UPP1: variants seen among roughly 807,000 people sequenced by gnomAD.
UPP1 encodes the protein uridine phosphorylase 1.
UPP1 carries 25 observed loss-of-function variants against 29.6 expected under a neutral mutation model. The ratio of observed to expected loss-of-function variants is 0.85; its 90% CI spans 0.62 to 1.18. UPP1 has a LOEUF of 1.18. Ranked by LOEUF, UPP1 falls within the 50% of genes most tolerant of loss-of-function variation. UPP1 has a pLI of 0.00. For synonymous variants in UPP1, 165 were observed against 159.8 expected, an observed-to-expected ratio of 1.03 and a Z score of -0.25; for missense variants, 368 against 410.4, an observed-to-expected ratio of 0.90 and a Z score of 0.89.
chr7:48,102,088 A>G, intron 5 of UPP1, 106 bp downstream of exon 5: 3 of 1,313,916 alleles, frequency 2.3e-6, no homozygotes, highest in Non-Finnish European at 2.1e-6. Flanking sequence ...TGCTTACTGT[A>G]AATGGCTGGG....
chr7:48,098,018 CTG>C (rs1792214581), intron 3 of UPP1, among the ~76,000 whole-genome samples: 1 of 152,128 alleles, frequency 6.6e-6, no homozygotes, highest in Non-Finnish European at 1.5e-5. Flanking sequence ...GGGTGTGGCT[CTG>C]TGCTTCAGGC....
chr7:48,095,687 A>G (rs34743411), intron 3 of UPP1, among the ~76,000 whole-genome samples: 18,259 of 151,426 alleles, frequency 0.12, 1,380 homozygotes, highest in East Asian at 0.3. Flanking sequence ...CTTGTCGCCC[A>G]GGCTGGAGTG....
rs766636047 is a variant in UPP1 at position 48,103,364 on chromosome 7, G to A, written c.389G>A (p.Arg130Gln). The part of the protein sequence containing the change: ...HELIKLLYYA[R>Q]CSNVTIIRIG... ...CTCATAAAGCTGCTGTACTATGCCC[G>A]GTGCTCCAACGTCACTATCATCCGC... is the stretch of plus-strand genomic sequence containing the variant. Residue 130 changes from arginine (R) to glutamine (Q), a missense_variant, in exon 6 of 9, where the codon CGG becomes CAG. Physicochemically the swap from Arg to Gln is conservative, Grantham distance 43. Transcript: ENST00000395564. 2.5e-6 allele frequency: 4 copies of A among 1,613,954 alleles called. No homozygotes were observed. The Admixed American group carries it at 5.0e-5, about 20-fold the overall frequency.
chr7:48,107,602 G>C, intron 8 of UPP1, 95 bp downstream of exon 8: 1 of 1,429,246 alleles, frequency 7.0e-7, no homozygotes, highest in Non-Finnish European at 9.4e-7. Context: ...GGGGCACCCC[G>C]ATACCCATTT....
intron 2 of UPP1, among the ~76,000 whole-genome samples, chr7:48,093,044 A>G (rs1248071538): frequency 6.6e-6 from 1 of 152,138 alleles, no homozygotes; most frequent in Non-Finnish European, 1.5e-5. Flanking sequence ...GTTGAATTAA[A>G]AAAAAAATCA....
chr7:48,101,339 C>T (rs1178655104), intron 4 of UPP1, among the ~76,000 whole-genome samples: 1 of 152,168 alleles, frequency 6.6e-6, no homozygotes, highest in African/African-American at 2.4e-5. Context: ...CTATCACTTC[C>T]TGAGCCTCCT....
rs767008559 is a variant in UPP1, at chr7:48,094,824, A to C, written c.41A>C (p.His14Pro). Reference protein sequence around the residue: ...TGANAEKAESHNDCPVRLLNP... With the variant: ...TGANAEKAESPNDCPVRLLNP... ...GCCAATGCAGAGAAAGCTGAAAGTC[A>C]CAAGTAAGGCTCCATTTCATTCCAG... is the stretch of plus-strand genomic sequence containing the variant. Residue 14 changes from histidine to proline, a missense_variant, in exon 3 of 9, where the codon CAC becomes CCC. Physicochemically the swap from His to Pro is moderately conservative, Grantham distance 77. Coordinates refer to ENST00000395564, the MANE Select transcript of UPP1 (RefSeq NM_003364.4). 1 of 1,614,180 alleles carries C rather than the reference A, an allele frequency of 6.2e-7. No individual in the cohort carries two copies. The highest frequency in any genetic ancestry group is 8.5e-7 in the Non-Finnish European group (1 of 1,180,038).
intron 3 of UPP1, among the ~76,000 whole-genome samples, chr7:48,098,566 T>C (rs1419449695): frequency 1.3e-5 from 2 of 152,194 alleles, no homozygotes; most frequent in Non-Finnish European, 2.9e-5. Context: ...GGGGAGAGAA[T>C]GGACAATGTC....
Position 48,103,290 on chromosome 7 carries a change from G to A in UPP1, c.322-7G>A. ...GGCTTAACATGGGTGTTTCTCCCTG[G>A]TTCCAGCATGGTATGGGCATTCCTT... On this transcript the variant is annotated splice_polypyrimidine_tract_variant and splice_region_variant and intron_variant, in intron 5 of 8. Coordinates refer to ENST00000395564, the MANE Select transcript of UPP1 (RefSeq NM_003364.4). 1 of 1,612,440 alleles carries A rather than the reference G, an allele frequency of 6.2e-7. No individual in the cohort carries two copies. Among genetic ancestry groups the A allele is most frequent in the South Asian group, 1.1e-5 (1 of 91,050 alleles).
chr7:48,098,454 C>T (rs955861790), intron 3 of UPP1, among the ~76,000 whole-genome samples: 22 of 152,254 alleles, frequency 1.4e-4, no homozygotes, highest in African/African-American at 4.3e-4. Context: ...ATATATAAGA[C>T]GTGGTCATGG....
Position 48,103,302 on chromosome 7 carries a change from T to G in UPP1, c.327T>G (p.Gly109=). The change falls in exon 6 of 9, where the codon GGT becomes GGG. Residue 109 remains glycine, a synonymous_variant. Coordinates refer to ENST00000395564, the MANE Select transcript of UPP1 (RefSeq NM_003364.4). Reference sequence around the variant, plus strand: ...GTGTTTCTCCCTGGTTCCAGCATGGTATGGGCATTCCTTCTATCTCAATCA... The same window carrying G: ...GTGTTTCTCCCTGGTTCCAGCATGGGATGGGCATTCCTTCTATCTCAATCA... ...KVGPVLSVSH[G]MGIPSISIML... The G allele has an allele frequency of 6.2e-7, 1 of 1,613,690 alleles. No individual in the cohort carries two copies. The highest frequency in any genetic ancestry group is 8.5e-7 in the Non-Finnish European group (1 of 1,179,602).
At position 48,103,295 on chromosome 7, in the gene UPP1, A is replaced by G. The variant is rs755311875; in HGVS notation, c.322-2A>G. 1 of 1,613,296 alleles carries G rather than the reference A, an allele frequency of 6.2e-7. No homozygotes were observed. Among genetic ancestry groups the G allele is most frequent in the South Asian group, 1.1e-5 (1 of 91,062 alleles). ...AACATGGGTGTTTCTCCCTGGTTCC[A>G]GCATGGTATGGGCATTCCTTCTATC... On this transcript the variant is annotated splice_acceptor_variant, in intron 5 of 8. Coordinates refer to ENST00000395564, the MANE Select transcript of UPP1 (RefSeq NM_003364.4). LOFTEE classifies it high-confidence loss of function.
chr7:48,103,753 C>T, intron 6 of UPP1: 18 of 1,293,670 alleles, frequency 1.4e-5, no homozygotes, highest in Non-Finnish European at 1.8e-5. Flanking sequence ...CTTTCCTTTG[C>T]TTACTTTTCC....
rs547420528 is a variant in UPP1 at position 48,103,992 on chromosome 7, G to A, written c.436+581G>A. 1.8e-3 allele frequency: 1,873 copies of A among 1,018,554 alleles called. 5 individuals are homozygous for A. Among genetic ancestry groups the A allele is most frequent in the Non-Finnish European group, 2.2e-3 (1,754 of 782,426 alleles). 63.1% of individuals were successfully genotyped at this position (1,018,554 alleles called of 1,614,324 possible). On this transcript the variant is annotated intron_variant, in intron 6 of 8. Transcript: ENST00000395564. ...CCCAGCACATTGGGAGGCCGAGGCG[G>A]GCGGATCACAAGATCGGGAGATCGA...
intron 3 of UPP1, among the ~76,000 whole-genome samples, chr7:48,096,774 A>G (rs1792151813): frequency 1.3e-5 from 2 of 152,026 alleles, no homozygotes; most frequent in African/African-American, 4.8e-5. Context: ...ATCTCAGCTC[A>G]CTGCAACCTC....
intron 4 of UPP1, among the ~76,000 whole-genome samples, 180 bp from the exon 5 acceptor site, chr7:48,101,643 CA>C (rs1175817925): frequency 6.6e-6 from 1 of 152,152 alleles, no homozygotes; most frequent in Non-Finnish European, 1.5e-5. Context: ...GACCACTCAC[CA>C]GGGGGCCTTG....
chr7:48,094,675 C>T (rs1792031081), intron 2 of UPP1, 88 bp from the exon 3 acceptor site: 7 of 1,147,068 alleles, frequency 6.1e-6, no homozygotes, highest in Admixed American at 5.6e-5. Flanking sequence ...CACTTCATTG[C>T]ACTGACTTTC....
rs1299829001 is a variant in UPP1 at position 48,108,423 on chromosome 7, C to T, written c.*66C>T. The T allele has an allele frequency of 6.5e-6, 10 of 1,545,562 alleles. No homozygotes were observed. Among genetic ancestry groups the T allele is most frequent in the South Asian group, 6.1e-5 (5 of 81,960 alleles). ...CCATTAAAAGCATTGTCCAAAATCC[C>T]CTGTTGTGTGGACTTTGAGCACACT... is the stretch of plus-strand genomic sequence containing the variant. On this transcript the variant is annotated 3_prime_UTR_variant, in exon 9 of 9. Transcript: ENST00000395564.
At chr7:48,099,858 C>CCAA in intron 4 of UPP1, 71 bp downstream of exon 4, 1 of 994,004 alleles carries the variant, frequency 1.0e-6, no homozygotes, top group Non-Finnish European at 1.6e-6. Context: ...TACAGGTAGA[C>CCAA]CAACCCACAA....
Sources: gnomAD v4.1 joint callset for allele counts (sites outside exome capture counted in the v4.1 genomes callset) on GRCh38, gnomAD v4.1.1 for gene constraint, MANE v1.5 for transcripts, NCBI Gene and HGNC (gene_info 2026-07-23, HGNC 2026-07-21) for gene names.